Variants in RPN2 observed in about 807,000 individuals in gnomAD.
The protein encoded by RPN2 is dolichyl-diphosphooligosaccharide--protein glycosyltransferase subunit 2.
RPN2 carries 29 observed loss-of-function variants against 71.4 expected under a neutral mutation model. The ratio of observed to expected loss-of-function variants is 0.41; its 90% confidence interval spans 0.30 to 0.55. The LOEUF is 0.55. Among genes scored for constraint, RPN2 ranks in the 20% least tolerant of loss-of-function variants. The pLI, the probability that RPN2 is intolerant of heterozygous loss-of-function variation, is 0.35. For synonymous variants in RPN2, 308 were observed against 305.0 expected (o/e 1.01, Z -0.10); for missense variants, 726 against 774.1 (o/e 0.94, Z 0.74).
intron 16 of RPN2, among the ~76,000 whole-genome samples, chr20:37,239,707 C>T (rs776270382): frequency 4.6e-4 from 70 of 152,066 alleles, no homozygotes; most frequent in Non-Finnish European, 8.4e-4. Context: ...ATGTAGCCAC[C>T]ACCTCAGTCA....
intron 9 of RPN2, among the ~76,000 whole-genome samples, chr20:37,216,989 G>A (rs1431414021): frequency 6.6e-6 from 1 of 150,820 alleles, no homozygotes; most frequent in Non-Finnish European, 1.5e-5. Flanking sequence ...GGAGTGCAGT[G>A]GCGTGATCAT....
chr20:37,220,277 A>G (rs1025478834), intron 9 of RPN2, among the ~76,000 whole-genome samples: 2 of 152,032 alleles, frequency 1.3e-5, no homozygotes, highest in African/African-American at 2.4e-5. Flanking sequence ...TTTCAGTAAT[A>G]ATCACACTTA....
intron 9 of RPN2, among the ~76,000 whole-genome samples, chr20:37,221,759 C>T (rs922536696): frequency 6.6e-6 from 1 of 152,236 alleles, no homozygotes; most frequent in Non-Finnish European, 1.5e-5. Context: ...CCTCCTACCT[C>T]TCCCAAAATT....
chr20:37,212,580 A>T (rs548053550), intron 8 of RPN2, among the ~76,000 whole-genome samples: 17 of 151,786 alleles, frequency 1.1e-4, no homozygotes, highest in African/African-American at 4.1e-4. Context: ...TCCCAGGTAC[A>T]AGGAATTCTG....
At chr20:37,180,805 G>A (rs111499328) in intron 1 of RPN2, among the ~76,000 whole-genome samples, 1 of 152,080 alleles carries the variant, frequency 6.6e-6, no homozygotes, top group African/African-American at 2.4e-5. Flanking sequence ...GGATTATGGC[G>A]GTAGTCTCCC....
chr20:37,195,283 C>T lies in RPN2; in HGVS notation c.208-3114C>T, dbSNP rs551828792. ...CCTGCTTCTGCTGCTGTGTAAACTC[C>T]GCCGTCAACATCTTGGGCTTTGAAG... On this transcript the variant is annotated intron_variant, in intron 2 of 16. Transcript: ENST00000237530. Among the ~76,000 whole-genome samples, 13 of 152,276 alleles carry T rather than the reference C, an allele frequency of 8.5e-5. No individual in the cohort carries two copies. The South Asian group carries it at 2.3e-3, about 27-fold the overall frequency.
rs2066958100 is a variant in RPN2, at chr20:37,184,322, C to G, written c.156C>G (p.Phe52Leu). ...CTTTCACAAATTTGGAATCTGCCTTCTACTCCATCGTGGGACTCAGCAGCC... is the reference window on the plus strand; with the variant it reads ...CTTTCACAAATTTGGAATCTGCCTTGTACTCCATCGTGGGACTCAGCAGCC... ...DRPFTNLESA[F>L]YSIVGLSSLG... Residue 52 changes from phenylalanine (F) to leucine (L), a missense_variant, in exon 2 of 17, where the codon TTC (phenylalanine) becomes TTG (leucine). Transcript: ENST00000237530. 6.2e-7 allele frequency: 1 copy of G among 1,614,112 alleles called. No individual in the cohort carries two copies. The highest frequency in any genetic ancestry group is 1.3e-5 in the African/African-American group (1 of 74,938).
intron 15 of RPN2, among the ~76,000 whole-genome samples, chr20:37,235,871 A>G (rs1223810357): frequency 1.3e-5 from 2 of 151,986 alleles, no homozygotes; most frequent in Non-Finnish European, 2.9e-5. Flanking sequence ...GGTGGTCTCG[A>G]ATGCCTGACC....
In RPN2 at chr20:37,228,588, A is replaced by G; in HGVS notation, c.1338A>G (p.Glu446=). The G allele has an allele frequency of 6.2e-7, 1 of 1,614,238 alleles. No homozygotes were observed. The highest frequency in any genetic ancestry group is 1.3e-5 in the African/African-American group (1 of 75,064). ...VRLHNQKTGQ[E]VVFVAEPDNK... ...TCCATAACCAGAAGACTGGCCAGGA[A>G]GTGGTGTTTGTTGCCGAGCCAGACA... The change falls in exon 12 of 17, where the codon GAA becomes GAG. Residue 446 remains glutamate (E), a synonymous_variant. Transcript: ENST00000237530.
Position 37,227,977 on chromosome 20 carries a change from C to A in RPN2, c.1300-573C>A, listed in dbSNP as rs1167544459. On this transcript the variant is annotated intron_variant, in intron 11 of 16. Transcript: ENST00000237530. ...CCTTAAAGTTGAAGAAATCAAAGCA[C>A]AAGGAAGTTAAGTAACTTGCTCAGC... Among the ~76,000 whole-genome samples the A allele has an allele frequency of 3.9e-5, 6 of 152,280 alleles. No individual in the cohort carries two copies. In the East Asian group the frequency reaches 1.2e-3, roughly 29 times the overall value.
intron 16 of RPN2, chr20:37,238,910 G>C: frequency 2.1e-6 from 1 of 484,984 alleles, no homozygotes; most frequent in Non-Finnish European, 4.1e-6. Flanking sequence ...ATTGTGGTCT[G>C]GGGAGACTGT....
At chr20:37,182,260 A>G (rs987333654) in intron 1 of RPN2, among the ~76,000 whole-genome samples, 3 of 151,694 alleles carry the variant, frequency 2.0e-5, no homozygotes, top group African/African-American at 7.3e-5. Flanking sequence ...CACCTGGCTA[A>G]TTTTTGTCTT....
intron 9 of RPN2, among the ~76,000 whole-genome samples, chr20:37,219,601 T>C (rs1401875897): frequency 1.3e-5 from 2 of 152,218 alleles, no homozygotes; most frequent in East Asian, 1.9e-4. Flanking sequence ...TTTGTTGTTG[T>C]TGTTTGTGCT....
At chr20:37,221,756 C>T (rs570969031) in intron 9 of RPN2, among the ~76,000 whole-genome samples, 88 of 152,306 alleles carry the variant, frequency 5.8e-4, no homozygotes, top group Middle Eastern at 3.4e-3. Flanking sequence ...AATCCTCCTA[C>T]CTCTCCCAAA....
At chr20:37,235,475 C>T (rs2068358795) in intron 15 of RPN2, among the ~76,000 whole-genome samples, 1 of 152,084 alleles carries the variant, frequency 6.6e-6, no homozygotes, top group African/African-American at 2.4e-5. Context: ...AAGGGCAGGG[C>T]CTGGACCAGG....
At chr20:37,214,472 C>T (rs572867703) in intron 9 of RPN2, among the ~76,000 whole-genome samples, 1 of 152,154 alleles carries the variant, frequency 6.6e-6, no homozygotes, top group Admixed American at 6.5e-5. Flanking sequence ...TGAAATTTAC[C>T]CCATCTGGCA....
At chr20:37,180,013 A>T (rs913627060) in intron 1 of RPN2, among the ~76,000 whole-genome samples, 2 of 152,238 alleles carry the variant, frequency 1.3e-5, no homozygotes, top group African/African-American at 4.8e-5. Context: ...CTTCGTGCTT[A>T]GTTTAGAACA....
intron 1 of RPN2, among the ~76,000 whole-genome samples, chr20:37,179,865 C>T (rs1435966661): frequency 2.0e-5 from 3 of 152,220 alleles, no homozygotes; most frequent in Non-Finnish European, 2.9e-5. Flanking sequence ...TGCAAACTTG[C>T]AGTCGGCCAC....
At chr20:37,236,534 TC>T in intron 15 of RPN2, 45 bp from the exon 16 acceptor site, 1 of 1,609,604 alleles carries the variant, frequency 6.2e-7, no homozygotes, top group South Asian at 1.1e-5. Flanking sequence ...CCGCAGGGCA[TC>T]ATTATGTTTC....
Sources: gnomAD v4.1 joint callset for allele counts (sites outside exome capture counted in the v4.1 genomes callset) on GRCh38, gnomAD v4.1.1 for gene constraint, MANE v1.5 for transcripts, NCBI Gene and HGNC (gene_info 2026-07-23, HGNC 2026-07-21) for gene names.